SRGAP2C: variants seen among roughly 807,000 people sequenced by gnomAD.
SRGAP2C encodes the protein SLIT-ROBO Rho GTPase activating protein 2C, also known as SLIT-ROBO Rho GTPase-activating protein 2C.
A neutral mutation model predicts 25.1 loss-of-function variants in SRGAP2C; 15 were observed. The ratio of observed to expected loss-of-function variants is 0.60; its 90% CI spans 0.40 to 0.92. The LOEUF (loss-of-function observed/expected upper bound fraction) is 0.92. SRGAP2C is among the 40% of genes least tolerant of loss of function. The pLI is 0.00. For missense variants in SRGAP2C, 144 were observed against 264.4 expected (o/e 0.54, Z 3.16); for synonymous variants, 44 against 96.6 (o/e 0.46, Z 3.19).
At position 121,213,670 on chromosome 1, in the gene SRGAP2C, G is replaced by C. The variant is rs1553324265; in HGVS notation, c.67+26157G>C. 2.9e-5 allele frequency among the ~76,000 whole-genome samples: 2 copies of C among 69,184 alleles called. 1 individual carries two copies. The highest frequency in any genetic ancestry group is 1.5e-4 in the African/African-American group (2 of 13,558). The allele number at this position is 69,184 out of a possible 152,430, so 45.4% of individuals were successfully genotyped here. A position where few individuals can be genotyped will look rare whatever the true frequency, so the allele number is the denominator to read the frequency against. ...AGCGTCTGTGCTCCCGGGCTGGGGTGCTTATCTGTAGTAGCCAGATGGCCT... is the reference window on the plus strand; with the variant it reads ...AGCGTCTGTGCTCCCGGGCTGGGGTCCTTATCTGTAGTAGCCAGATGGCCT... On this transcript the variant is annotated intron_variant, in intron 2 of 9. Coordinates refer to ENST00000367123, the MANE Select transcript of SRGAP2C (RefSeq NM_001329984.2).
chr1:121,308,493 T>C (rs1239974035), intron 3 of SRGAP2C, among the ~76,000 whole-genome samples: 4 of 150,818 alleles, frequency 2.7e-5, no homozygotes, highest in Non-Finnish European at 4.4e-5. Flanking sequence ...AATGTATTCC[T>C]GGCCAGGTGA....
intron 3 of SRGAP2C, among the ~76,000 whole-genome samples, chr1:121,306,800 C>A (rs1167492597): frequency 7.6e-4 from 115 of 152,242 alleles, no homozygotes; most frequent in African/African-American, 2.6e-3. Flanking sequence ...AAGACCATTA[C>A]TCTGGAACAG....
intron 3 of SRGAP2C, among the ~76,000 whole-genome samples, chr1:121,323,063 T>C (rs1415787927): frequency 1.3e-5 from 2 of 151,760 alleles, no homozygotes; most frequent in Non-Finnish European, 2.9e-5. Context: ...TAAAAATTTT[T>C]AGTCTACTTT....
At chr1:121,335,877 TATGTC>T (rs1658504550) in intron 4 of SRGAP2C, among the ~76,000 whole-genome samples, 1 of 152,046 alleles carries the variant, frequency 6.6e-6, no homozygotes, top group African/African-American at 2.4e-5. Context: ...TCATAGATAA[TATGTC>T]ATAGAAACTC....
At chr1:121,278,050 C>G (rs1657147265) in intron 2 of SRGAP2C, among the ~76,000 whole-genome samples, 1 of 150,338 alleles carries the variant, frequency 6.7e-6, no homozygotes, top group Non-Finnish European at 1.5e-5. Flanking sequence ...AAGCAAGCCT[C>G]CCACCTCAGC....
At chr1:121,193,752 C>T (rs1401596441) in intron 2 of SRGAP2C, among the ~76,000 whole-genome samples, 1 of 11,240 alleles carries the variant, frequency 8.9e-5, no homozygotes. Flanking sequence ...CTCACTGCAG[C>T]CTTGACCTCC....
chr1:121,185,244 A>AAG (rs1654469165), intron 1 of SRGAP2C, 120 bp downstream of exon 1: 4 of 526,674 alleles, frequency 7.6e-6, no homozygotes, highest in Admixed American at 4.3e-5. Context: ...GCATCGCCTT[A>AAG]GCGGTGCCGC....
At chr1:121,355,135 C>T (rs1659031698) in intron 4 of SRGAP2C, among the ~76,000 whole-genome samples, 2 of 132,684 alleles carry the variant, frequency 1.5e-5, no homozygotes, top group African/African-American at 2.8e-5. Context: ...TCAAATGGGA[C>T]AGAATTAAAA....
chr1:121,384,500 G>T (rs1659912399), intron 8 of SRGAP2C, among the ~76,000 whole-genome samples: 1 of 76,896 alleles, frequency 1.3e-5, no homozygotes, highest in Non-Finnish European at 2.7e-5. Context: ...TTGGGGGAAG[G>T]GGTGTCACCA....
chr1:121,211,502 A>G (rs1655256500), intron 2 of SRGAP2C, among the ~76,000 whole-genome samples: 1 of 151,130 alleles, frequency 6.6e-6, no homozygotes, highest in Non-Finnish European at 1.5e-5. Flanking sequence ...AATTTTAAGT[A>G]TTTGTAATTT....
Position 121,324,527 on chromosome 1 carries a change from A to T in SRGAP2C, c.310A>T (p.Asn104Tyr). 6.2e-7 allele frequency: 1 copy of T among 1,613,494 alleles called. No individual in the cohort carries two copies. Among genetic ancestry groups the T allele is most frequent in the South Asian group, 1.1e-5 (1 of 91,074 alleles). ...SPVNCWNLLL[N>Y]QVKWESRDHT... Reference sequence around the variant, plus strand: ...AGTCAACTGCTGGAATCTCCTCTTAAACCAGGTGAAGTGGGAAAGCAGGGA... The same window carrying T: ...AGTCAACTGCTGGAATCTCCTCTTATACCAGGTGAAGTGGGAAAGCAGGGA... Residue 104 changes from asparagine (N) to tyrosine (Y), a missense_variant, in exon 4 of 10, where the codon AAC becomes TAC. This residue lies in a region of SRGAP2C where 61 missense variants were observed against 61.7 expected (regional missense o/e 0.99). Coordinates refer to ENST00000367123, the MANE Select transcript of SRGAP2C (RefSeq NM_001329984.2).
intron 3 of SRGAP2C, among the ~76,000 whole-genome samples, chr1:121,289,057 AC>A (rs1305749802): frequency 3.4e-5 from 5 of 145,036 alleles, no homozygotes; most frequent in Non-Finnish European, 7.6e-5. Flanking sequence ...TGGATCCCGC[AC>A]CGGGGCTGCA....
At chr1:121,348,737 G>T (rs2101631098) in intron 4 of SRGAP2C, among the ~76,000 whole-genome samples, 1 of 146,674 alleles carries the variant, frequency 6.8e-6, no homozygotes, top group East Asian at 2.1e-4. Context: ...GAGTTTATGA[G>T]TTCAATTCCA....
At chr1:121,342,560 GT>G (rs1658658917) in intron 4 of SRGAP2C, among the ~76,000 whole-genome samples, 1 of 81,196 alleles carries the variant, frequency 1.2e-5, no homozygotes, top group African/African-American at 4.4e-5. Context: ...TTAGATTTGG[GT>G]TTTAGAATCT....
rs1354054884 is a variant in SRGAP2C, at chr1:121,277,320, C to T, written c.68-7483C>T. 2.0e-5 allele frequency among the ~76,000 whole-genome samples: 3 copies of T among 152,024 alleles called. 1 individual carries two copies. The highest frequency in any genetic ancestry group is 4.4e-5 in the Non-Finnish European group (3 of 67,906). Reference sequence around the variant, plus strand: ...CAGGGAACTTCATACTTCAGAAATCCTCACTTTATCCATTACCGCCCCTTT... The same window carrying T: ...CAGGGAACTTCATACTTCAGAAATCTTCACTTTATCCATTACCGCCCCTTT... On this transcript the variant is annotated intron_variant, in intron 2 of 9. Coordinates refer to ENST00000367123, the MANE Select transcript of SRGAP2C (RefSeq NM_001329984.2).
rs1660049725 is a variant in SRGAP2C at position 121,390,678 on chromosome 1, A to G, written c.*2823A>G. The G allele has an allele frequency of 1.0e-5, 1 of 96,326 alleles. No individual in the cohort carries two copies. Among genetic ancestry groups the G allele is most frequent in the Non-Finnish European group, 2.0e-5 (1 of 49,330 alleles). 6.0% of individuals were successfully genotyped at this position (96,326 alleles called of 1,614,324 possible). A position where few individuals can be genotyped will look rare whatever the true frequency, so the allele number is the denominator to read the frequency against. ...TGCTTGCAAGAGTCTCAGGAAAATA[A>G]TTGTGGAGTTAAGAAACTTGAAGCG... On this transcript the variant is annotated 3_prime_UTR_variant, in exon 10 of 10. Coordinates refer to ENST00000367123, the MANE Select transcript of SRGAP2C (RefSeq NM_001329984.2).
At chr1:121,275,082 C>G (rs1444230736) in intron 2 of SRGAP2C, among the ~76,000 whole-genome samples, 28 of 147,836 alleles carry the variant, frequency 1.9e-4, no homozygotes, top group Non-Finnish European at 4.5e-5. Context: ...CTAGATTTTA[C>G]TGATTTCTTC....
At chr1:121,328,832 A>G (rs1658371178) in intron 4 of SRGAP2C, among the ~76,000 whole-genome samples, 1 of 147,072 alleles carries the variant, frequency 6.8e-6, no homozygotes, top group African/African-American at 2.5e-5. Context: ...GGCTGCAGTG[A>G]TCTATAATCA....
At chr1:121,282,458 G>A (rs1657267621) in intron 2 of SRGAP2C, among the ~76,000 whole-genome samples, 1 of 150,928 alleles carries the variant, frequency 6.6e-6, no homozygotes, top group Non-Finnish European at 1.5e-5. Flanking sequence ...GGGACTCAGA[G>A]GGACCTGACA....
Sources: allele counts gnomAD v4.1 joint callset (sites outside exome capture counted in the v4.1 genomes callset), GRCh38; gene constraint gnomAD v4.1.1; regional missense constraint gnomAD v4.1.1; transcripts MANE v1.5; gene names NCBI Gene and HGNC (gene_info 2026-07-23, HGNC 2026-07-21).